SCHIP1: variants seen among roughly 807,000 people sequenced by gnomAD.
The protein encoded by SCHIP1 is schwannomin interacting protein 1.
Under a neutral mutation model 29.7 loss-of-function variants are expected in SCHIP1, and 8 were observed. The observed-to-expected ratio is 0.27, with a 90% CI of 0.16 to 0.49. The LOEUF (loss-of-function observed/expected upper bound fraction) is 0.49, where lower values mean the gene tolerates loss of function less well. SCHIP1 is among the 20% of genes least tolerant of loss of function. The pLI, the probability that SCHIP1 is intolerant of heterozygous loss-of-function variation, is 0.99. For missense variants in SCHIP1, 193 were observed against 294.6 expected (o/e 0.66, Z 2.52); for synonymous variants, 76 against 94.9 (o/e 0.80, Z 1.16).
the SCHIP1 span, among the ~76,000 whole-genome samples, chr3:159,796,672 G>A: frequency 6.6e-6 from 1 of 152,198 alleles, no homozygotes; most frequent in Non-Finnish European, 1.5e-5. Context: ...AAGATGCAAT[G>A]CAAAGAATTG....
chr3:159,543,341 T>C, the SCHIP1 span, among the ~76,000 whole-genome samples: 1 of 138,600 alleles, frequency 7.2e-6, no homozygotes, highest in South Asian at 2.6e-4. Context: ...GTATATCTCC[T>C]AATGCTATCC....
the SCHIP1 span, among the ~76,000 whole-genome samples, chr3:159,477,920 C>CTTT: frequency 5.5e-3 from 541 of 98,134 alleles, 4 homozygotes; most frequent in Middle Eastern, 0.022. Flanking sequence ...CATTTTAAAT[C>CTTT]TTTTTTTTTT....
the SCHIP1 span, among the ~76,000 whole-genome samples, chr3:159,492,275 A>G: frequency 1.3e-5 from 2 of 152,254 alleles, no homozygotes; most frequent in Non-Finnish European, 2.9e-5. Flanking sequence ...AGTTGAGAGA[A>G]GAAGGCTTCA....
chr3:159,507,677 G>A, the SCHIP1 span, among the ~76,000 whole-genome samples: 2 of 152,194 alleles, frequency 1.3e-5, no homozygotes, highest in African/African-American at 2.4e-5. Context: ...TTAGCATGAA[G>A]GGTTGTTGAA....
At chr3:159,280,929 C>CCTCT in the SCHIP1 span, among the ~76,000 whole-genome samples, 1 of 152,184 alleles carries the variant, frequency 6.6e-6, no homozygotes, top group African/African-American at 2.4e-5. Context: ...TGGAACAGCA[C>CCTCT]CTCTGACTTG....
chr3:159,461,976 G>A, the SCHIP1 span, among the ~76,000 whole-genome samples: 6 of 152,198 alleles, frequency 3.9e-5, no homozygotes, highest in South Asian at 2.1e-4. Flanking sequence ...TTGAAAGGCC[G>A]AGGTGGGCGG....
chr3:159,601,584 C>T, the SCHIP1 span, among the ~76,000 whole-genome samples: 1 of 152,164 alleles, frequency 6.6e-6, no homozygotes, highest in Non-Finnish European at 1.5e-5. Context: ...GGCTGCTCTG[C>T]CAGTGGCAAA....
chr3:159,793,323 G>A, the SCHIP1 span, among the ~76,000 whole-genome samples: 308 of 152,216 alleles, frequency 2.0e-3, 3 homozygotes, highest in African/African-American at 6.9e-3. Flanking sequence ...AACCACTGGC[G>A]TAAAGGATAA....
the SCHIP1 span, among the ~76,000 whole-genome samples, chr3:159,461,761 G>A: frequency 1.3e-5 from 2 of 151,616 alleles, no homozygotes; most frequent in East Asian, 3.9e-4. Flanking sequence ...TTTACTTTTT[G>A]CTTTATATAC....
chr3:159,345,920 G>A, the SCHIP1 span, among the ~76,000 whole-genome samples: 14 of 152,048 alleles, frequency 9.2e-5, no homozygotes, highest in Non-Finnish European at 1.9e-4. Context: ...TTGGCTGGGC[G>A]CTTTCACTCA....
At chr3:159,728,327 A>C in the SCHIP1 span, among the ~76,000 whole-genome samples, 1 of 152,136 alleles carries the variant, frequency 6.6e-6, no homozygotes, top group Non-Finnish European at 1.5e-5. Flanking sequence ...ATATTGTCCA[A>C]GTTCCAAAAG....
the SCHIP1 span, among the ~76,000 whole-genome samples, chr3:159,683,255 T>C: frequency 2.0e-5 from 3 of 152,040 alleles, no homozygotes; most frequent in Non-Finnish European, 4.4e-5. Flanking sequence ...TTTCACCATG[T>C]TGGCCAGGCT....
At chr3:159,300,772 C>T in the SCHIP1 span, among the ~76,000 whole-genome samples, 1 of 152,166 alleles carries the variant, frequency 6.6e-6, no homozygotes, top group South Asian at 2.1e-4. Context: ...CCTCTGTCTT[C>T]TTTCTCAAGC....
At chr3:159,824,410 C>A in the SCHIP1 span, among the ~76,000 whole-genome samples, 1 of 152,190 alleles carries the variant, frequency 6.6e-6, no homozygotes, top group Non-Finnish European at 1.5e-5. Context: ...CAGACTGGAT[C>A]GTCATTTGTC....
chr3:159,851,249 C>T (rs1211884551), intron 1 of SCHIP1, among the ~76,000 whole-genome samples: 1 of 152,020 alleles, frequency 6.6e-6, no homozygotes, highest in African/African-American at 2.4e-5. Flanking sequence ...ATGATCATGC[C>T]ATTGCACTCC....
At chr3:159,419,812 G>T in the SCHIP1 span, among the ~76,000 whole-genome samples, 1 of 151,346 alleles carries the variant, frequency 6.6e-6, no homozygotes. Context: ...TCCATCTTAA[G>T]AAAAAAAAAT....
At chr3:159,354,664 G>C in the SCHIP1 span, among the ~76,000 whole-genome samples, 1 of 152,152 alleles carries the variant, frequency 6.6e-6, no homozygotes, top group Non-Finnish European at 1.5e-5. Context: ...GATGATGCCT[G>C]AGTAACTCTT....
At chr3:159,315,238 A>C in the SCHIP1 span, among the ~76,000 whole-genome samples, 1 of 129,872 alleles carries the variant, frequency 7.7e-6, no homozygotes, top group Non-Finnish European at 1.6e-5. Context: ...TCACTGTGTC[A>C]CCCAGGCTGG....
the SCHIP1 span, among the ~76,000 whole-genome samples, chr3:159,452,321 AC>A: frequency 6.6e-6 from 1 of 151,552 alleles, no homozygotes; most frequent in East Asian, 1.9e-4. Flanking sequence ...CCCCAATAGA[AC>A]CCAGTGTGTG....
Sources: allele counts gnomAD v4.1 joint callset (sites outside exome capture counted in the v4.1 genomes callset), GRCh38; gene constraint gnomAD v4.1.1; transcripts MANE v1.5; gene names NCBI Gene and HGNC (gene_info 2026-07-23, HGNC 2026-07-21).